KLF8: variants seen among roughly 807,000 people sequenced by gnomAD.
KLF8 encodes the protein Krueppel-like factor 8.
KLF8 carries 10 observed loss-of-function variants against 18.2 expected under a neutral mutation model. The ratio of observed to expected loss-of-function variants is 0.55; its 90% CI spans 0.34 to 0.93. The LOEUF (loss-of-function observed/expected upper bound fraction) is 0.93. Among genes scored for constraint, KLF8 ranks in the 40% least tolerant of loss-of-function variants. The pLI is 0.02. For missense variants in KLF8, 264 were observed against 277.9 expected, an observed-to-expected ratio of 0.95 and a Z score of 0.36; for synonymous variants, 109 against 97.3, an observed-to-expected ratio of 1.12 and a Z score of -0.71.
chrX:56,136,155 T>C, the KLF8 span, among the ~76,000 whole-genome samples: 1 of 111,566 alleles, frequency 9.0e-6, no homozygotes, highest in East Asian at 2.8e-4. Flanking sequence ...GAATCAATAT[T>C]GTGAAAATGA....
At chrX:56,251,305 C>T (rs1329231444) in intron 2 of KLF8, among the ~76,000 whole-genome samples, 1 of 112,074 alleles carries the variant, frequency 8.9e-6, no homozygotes, top group Non-Finnish European at 1.9e-5. Flanking sequence ...CCTTGAAAAT[C>T]CTTAAATCAC....
At chrX:56,233,749 ATAGCGGG>A (rs2066433254) in intron 1 of KLF8, among the ~76,000 whole-genome samples, 1 of 112,175 alleles carries the variant, frequency 8.9e-6, no homozygotes, top group African/African-American at 3.2e-5. Context: ...CCCTGAAGCC[ATAGCGGG>A]TACCTAGAGA....
chrX:56,112,621 C>T, the KLF8 span, among the ~76,000 whole-genome samples: 1 of 111,556 alleles, frequency 9.0e-6, no homozygotes, highest in South Asian at 3.8e-4. Context: ...TCCCACACAA[C>T]CCTTAAGGTC....
chrX:56,202,704 G>T, the KLF8 span, among the ~76,000 whole-genome samples: 2 of 109,754 alleles, frequency 1.8e-5, no homozygotes, highest in East Asian at 5.7e-4. Flanking sequence ...TCTGTGCCTG[G>T]CTTATAACAT....
At chrX:56,266,528 G>T (rs2066975309) in intron 3 of KLF8, 1 of 748,376 alleles carries the variant, frequency 1.3e-6, no homozygotes, top group African/African-American at 2.3e-5. Context: ...TTGAAAATTT[G>T]TCCAAGAGAG....
the KLF8 span, among the ~76,000 whole-genome samples, chrX:56,150,998 CCAGGACAGAG>C: frequency 1.8e-5 from 2 of 111,394 alleles, no homozygotes; most frequent in Non-Finnish European, 3.8e-5. Flanking sequence ...CTAGGCTAAA[CCAGGACAGAG>C]CAGCATTCCA....
the KLF8 span, among the ~76,000 whole-genome samples, chrX:56,006,493 G>A: frequency 8.9e-6 from 1 of 112,137 alleles, no homozygotes; most frequent in Non-Finnish European, 1.9e-5. Flanking sequence ...TCTGATGTCT[G>A]TTTCTTGATG....
At chrX:56,158,762 C>T in the KLF8 span, among the ~76,000 whole-genome samples, 1 of 111,941 alleles carries the variant, frequency 8.9e-6, no homozygotes, top group Non-Finnish European at 1.9e-5. Context: ...GCTGAAGTTG[C>T]CTATCAGCTT....
chrX:56,094,379 A>G, the KLF8 span, among the ~76,000 whole-genome samples: 2 of 111,550 alleles, frequency 1.8e-5, no homozygotes, highest in African/African-American at 3.2e-5. Context: ...CATGCATTAT[A>G]TAATGACTAA....
the KLF8 span, among the ~76,000 whole-genome samples, chrX:56,102,400 G>A: frequency 9.0e-6 from 1 of 111,549 alleles, no homozygotes; most frequent in African/African-American, 3.2e-5. Context: ...CTCCAGTTCT[G>A]TTCTTTTTCC....
the KLF8 span, among the ~76,000 whole-genome samples, chrX:55,972,542 C>T: frequency 9.0e-6 from 1 of 111,190 alleles, no homozygotes; most frequent in Non-Finnish European, 1.9e-5. Flanking sequence ...TAACTGGATT[C>T]TTTGTAACAC....
the KLF8 span, among the ~76,000 whole-genome samples, chrX:56,047,797 G>T: frequency 9.0e-6 from 1 of 111,080 alleles, no homozygotes; most frequent in Non-Finnish European, 1.9e-5. Context: ...GGGATGGCTG[G>T]GTCAAATGAT....
chrX:56,121,324 G>A, the KLF8 span, among the ~76,000 whole-genome samples: 7 of 111,601 alleles, frequency 6.3e-5, no homozygotes, highest in Admixed American at 6.6e-4. Context: ...GAGAAGGGCT[G>A]GAAAGGAAGA....
intron 2 of KLF8, among the ~76,000 whole-genome samples, chrX:56,261,893 C>T (rs1031373853): frequency 9.0e-6 from 1 of 111,660 alleles, no homozygotes; most frequent in African/African-American, 3.3e-5. Flanking sequence ...GTAAGGTCAA[C>T]CTTGAGACCT....
intron 2 of KLF8, among the ~76,000 whole-genome samples, chrX:56,258,477 A>G (rs1304916531): frequency 1.8e-5 from 2 of 111,810 alleles, no homozygotes; most frequent in South Asian, 7.5e-4. Context: ...GGGTTTCACC[A>G]TGTTAGCCAG....
chrX:55,942,265 G>A, the KLF8 span, among the ~76,000 whole-genome samples: 1 of 110,346 alleles, frequency 9.1e-6, no homozygotes, highest in African/African-American at 3.3e-5. Context: ...ACTATCGCAA[G>A]GACAAAAAAC....
chrX:56,077,359 T>C, the KLF8 span, among the ~76,000 whole-genome samples: 2 of 112,239 alleles, frequency 1.8e-5, no homozygotes, highest in African/African-American at 3.2e-5. Flanking sequence ...TTTCTACATA[T>C]GGCTAGCCGG....
At chrX:56,074,933 T>C in the KLF8 span, 1 of 111,793 alleles carries the variant, frequency 8.9e-6, no homozygotes, top group Non-Finnish European at 1.9e-5. Context: ...ATTTCTATAT[T>C]TTAGGTATTC....
chrX:55,984,456 T>A, the KLF8 span, among the ~76,000 whole-genome samples: 2 of 111,844 alleles, frequency 1.8e-5, no homozygotes, highest in Non-Finnish European at 3.8e-5. Context: ...TTTTTGTGGC[T>A]GTATAGTAGT....
Sources: allele counts gnomAD v4.1 joint callset (sites outside exome capture counted in the v4.1 genomes callset), GRCh38; gene constraint gnomAD v4.1.1; transcripts MANE v1.5; gene names NCBI Gene and HGNC (gene_info 2026-07-23, HGNC 2026-07-21).